Variants in PROM2 observed in about 807,000 individuals in gnomAD.
The protein encoded by PROM2 is prominin 2.
PROM2 carries 90 observed loss-of-function variants against 110.2 expected under a neutral mutation model. That is an observed-to-expected ratio of 0.82 (90% CI 0.69 to 0.97). The LOEUF is 0.97. PROM2 is among the 50% of genes least tolerant of loss of function. The pLI is 0.00. For synonymous variants in PROM2, 470 were observed against 467.8 expected (o/e 1.00, Z -0.06); for missense variants, 1,009 against 1,074.8 (o/e 0.94, Z 0.86).
At position 95,275,007 on chromosome 2, in the gene PROM2, C is replaced by T; in HGVS notation, c.244+178C>T. ...ACCTGCTGTGTGACTGTGGGTAAGC[C>T]TCACTTCCTCTCTGAGCCTCAGGTG... On this transcript the variant is annotated intron_variant, in intron 1 of 23. Coordinates refer to ENST00000317620, the MANE Select transcript of PROM2 (RefSeq NM_001165978.3). The surrounding 1 kb of genome is among the most constrained non-coding windows in gnomAD (Gnocchi z 4.4). 1 of 698,266 alleles carries T rather than the reference C, an allele frequency of 1.4e-6. No individual in the cohort carries two copies. Among genetic ancestry groups the T allele is most frequent in the Non-Finnish European group, 2.2e-6 (1 of 451,444 alleles). 43.3% of individuals were successfully genotyped at this position (698,266 alleles called of 1,614,324 possible).
chr2:95,278,112 C>A, intron 8 of PROM2, 108 bp downstream of exon 8: 1 of 889,058 alleles, frequency 1.1e-6, no homozygotes, highest in Non-Finnish European at 1.8e-6. Context: ...GGGGTCCCAC[C>A]CACCACACAG....
chr2:95,279,250 C>G lies in PROM2; in HGVS notation c.1274+106C>G, dbSNP rs1479122220. ...ATTCCCAGCCTCTATCAGCCCCTGACTGTACTGAGCCTCTGTGTTTTTTGT... is the reference window on the plus strand; with the variant it reads ...ATTCCCAGCCTCTATCAGCCCCTGAGTGTACTGAGCCTCTGTGTTTTTTGT... On this transcript the variant is annotated intron_variant, in intron 10 of 23. Coordinates refer to ENST00000317620, the MANE Select transcript of PROM2 (RefSeq NM_001165978.3). The G allele has an allele frequency of 1.7e-5, 15 of 858,234 alleles. No individual in the cohort carries two copies. The East Asian group carries it at 4.0e-4, about 23-fold the overall frequency. 53.2% of individuals were successfully genotyped at this position (858,234 alleles called of 1,614,324 possible).
At position 95,284,973 on chromosome 2, in the gene PROM2, C is replaced by T. The variant is rs1283142325; in HGVS notation, c.1733C>T (p.Thr578Ile). The T allele has an allele frequency of 6.2e-7, 1 of 1,610,322 alleles. No homozygotes were observed. The highest frequency in any genetic ancestry group is 1.3e-5 in the African/African-American group (1 of 75,012). Residue 578 changes from threonine (T) to isoleucine (I), a missense_variant, in exon 15 of 24, where the codon ACC becomes ATC. By Grantham distance (89) the Thr-to-Ile change is moderately conservative. Coordinates refer to ENST00000317620, the MANE Select transcript of PROM2 (RefSeq NM_001165978.3). ...LEEHLDINQY[T>I]NKLRQELQSL... The stretch of plus-strand genomic sequence containing the variant: ...ACCCTGCGCCTGCTCTCCCAGTATA[C>T]CAACAAGCTACGGCAGGAGTTGCAG...
chr2:95,277,049 A>G lies in PROM2; in HGVS notation c.760A>G (p.Ser254Gly). 6.4e-7 allele frequency: 1 copy of G among 1,551,462 alleles called. No individual in the cohort carries two copies. The highest frequency in any genetic ancestry group is 8.7e-7 in the Non-Finnish European group (1 of 1,146,994). Residue 254 changes from serine to glycine, a missense_variant, in exon 6 of 24, where the codon AGT becomes GGT. Physicochemically the swap from Ser to Gly is moderately conservative, Grantham distance 56. Transcript: ENST00000317620. ...SVYPLLAAVG[S>G]LGQVLQVSVH... ...GTACCCCTTGCTGGCGGCCGTGGGC[A>G]GTTTGGGCCAGGGTGAGCTGGAGCC... is the stretch of plus-strand genomic sequence containing the variant.
chr2:95,288,473 C>A lies in PROM2; in HGVS notation c.2335-10C>A. On this transcript the variant is annotated splice_polypyrimidine_tract_variant and intron_variant, in intron 21 of 23. Transcript: ENST00000317620. ...GTGGGTTGGTGAGCCGACCTCACGCCTTGTTGCAGAATGCCTTCTGGTTCT... is the reference window on the plus strand; with the variant it reads ...GTGGGTTGGTGAGCCGACCTCACGCATTGTTGCAGAATGCCTTCTGGTTCT... The A allele has an allele frequency of 6.2e-7, 1 of 1,613,480 alleles. No individual in the cohort carries two copies. Among genetic ancestry groups the A allele is most frequent in the Non-Finnish European group, 8.5e-7 (1 of 1,179,468 alleles).
At chr2:95,283,466 G>C (rs1029981951) in intron 14 of PROM2, among the ~76,000 whole-genome samples, 15 of 152,224 alleles carry the variant, frequency 9.9e-5, no homozygotes, top group Non-Finnish European at 2.1e-4. Flanking sequence ...TCCAGAGCAC[G>C]GGGAGGGCAC....
At position 95,275,660 on chromosome 2, in the gene PROM2, G is replaced by GCAGTC. The variant is rs1394988086; in HGVS notation, c.294+152_294+156dup. On this transcript the variant is annotated intron_variant, in intron 2 of 23. Transcript: ENST00000317620. The surrounding 1 kb of genome is among the most constrained non-coding windows in gnomAD (Gnocchi z 4.4). ...TCCTCTCCCCTCCTCTGTGGGCGCT[G>GCAGTC]CAGTCCGTAGACCTGGGTGCAAACC... 73 of 1,353,786 alleles carry GCAGTC rather than the reference G, an allele frequency of 5.4e-5. 1 individual carries two copies. Among genetic ancestry groups the GCAGTC allele is most frequent in the East Asian group, 2.7e-4 (11 of 40,344 alleles). 83.9% of individuals were successfully genotyped at this position (1,353,786 alleles called of 1,614,324 possible). A position where few individuals can be genotyped will look rare whatever the true frequency, so the allele number is the denominator to read the frequency against.
Position 95,276,519 on chromosome 2 carries a change from A to AG in PROM2, c.619-71dup. 6.2e-7 allele frequency: 1 copy of AG among 1,607,258 alleles called. No individual in the cohort carries two copies. The highest frequency in any genetic ancestry group is 8.5e-7 in the Non-Finnish European group (1 of 1,174,282). On this transcript the variant is annotated intron_variant, in intron 4 of 23. Transcript: ENST00000317620. This position sits in a 1 kb window ranked among gnomAD's most constrained non-coding sequence, Gnocchi z 4.6. ...AGGGTGGATGCCATAGGGGCAGGGA[A>AG]GGGGCCAGGGAGAGAAGGGCGTAAG... is the stretch of plus-strand genomic sequence containing the variant.
At chr2:95,285,342 A>C (rs1369384645) in intron 15 of PROM2, among the ~76,000 whole-genome samples, 1 of 152,148 alleles carries the variant, frequency 6.6e-6, no homozygotes, top group Non-Finnish European at 1.5e-5. Flanking sequence ...ACCCAACAGC[A>C]TGTGTTGCTG....
rs1339634760 is a variant in PROM2, at chr2:95,285,117, TCAGCGGTGGG to T, written c.1875+5_1875+14del. On this transcript the variant is annotated splice_donor_5th_base_variant and intron_variant, in intron 15 of 23. Coordinates refer to ENST00000317620, the MANE Select transcript of PROM2 (RefSeq NM_001165978.3). ...CACTACCCCGACTTCCTCGTTCAGG[TCAGCGGTGGG>T]CACCTCAGCAGGGCTTCCTCAGCAG... The T allele has an allele frequency of 1.3e-6, 2 of 1,563,352 alleles. No homozygotes were observed. The highest frequency in any genetic ancestry group is 3.7e-5 in the Admixed American group (2 of 53,602).
chr2:95,277,289 G>A (rs1490885184), intron 6 of PROM2, 75 bp from the exon 7 acceptor site: 1 of 1,463,508 alleles, frequency 6.8e-7, no homozygotes, highest in Non-Finnish European at 9.3e-7. Context: ...GCTGGGGGAG[G>A]GGAGTTCTGC....
chr2:95,279,292 GT>G (rs1371674353), intron 10 of PROM2, 148 bp downstream of exon 10: 5 of 647,132 alleles, frequency 7.7e-6, no homozygotes, highest in Non-Finnish European at 1.2e-5. Context: ...GTTTGTTTTT[GT>G]TTTTTTCATT....
rs769412772 is a variant in PROM2 at position 95,281,969 on chromosome 2, G to A, written c.1596G>A (p.Ser532=). 30 of 1,614,060 alleles carry A rather than the reference G, an allele frequency of 1.9e-5. No homozygotes were observed. The highest frequency in any genetic ancestry group is 1.0e-4 in the Admixed American group (6 of 60,010). ...ACCTGCCCCCGTCCATGAACCTGTC[G>A]CAACTTCTTGGCCTGAGGAAGAACA... ...PGNLPPSMNL[S]QLLGLRKNIS... is the part of the protein sequence containing the mutation. Residue 532 remains serine, a synonymous_variant, in exon 13 of 24, where the codon TCG becomes TCA. Coordinates refer to ENST00000317620, the MANE Select transcript of PROM2 (RefSeq NM_001165978.3).
chr2:95,285,465 G>A (rs879452777), intron 15 of PROM2, among the ~76,000 whole-genome samples, 174 bp from the exon 16 acceptor site: 2 of 152,254 alleles, frequency 1.3e-5, no homozygotes, highest in African/African-American at 2.4e-5. Context: ...CTGGGAAAAT[G>A]TCTGAAATAT....
chr2:95,277,691 A>C (rs772349012), intron 7 of PROM2, 125 bp downstream of exon 7: 56 of 1,009,736 alleles, frequency 5.5e-5, no homozygotes, highest in Non-Finnish European at 7.5e-5. Flanking sequence ...ACCCAGGGTT[A>C]ATGCGGGTCA....
chr2:95,278,127 C>G (rs1354731930), intron 8 of PROM2, 123 bp downstream of exon 8: 4 of 769,466 alleles, frequency 5.2e-6, no homozygotes, highest in Non-Finnish European at 8.7e-6. Flanking sequence ...ACACAGCACC[C>G]TGGGCAGGGG....
In PROM2 at chr2:95,289,025, G is replaced by C; in HGVS notation, c.*10+19G>C. 6.3e-7 allele frequency: 1 copy of C among 1,592,338 alleles called. No individual in the cohort carries two copies. The highest frequency in any genetic ancestry group is 1.3e-5 in the African/African-American group (1 of 74,494). On this transcript the variant is annotated intron_variant, in intron 23 of 23. Coordinates refer to ENST00000317620, the MANE Select transcript of PROM2 (RefSeq NM_001165978.3). ...CTTGTGGGTGAGTTTTCCCCAACTC[G>C]CTTAATTGCTCCCTGCCAGGGATTA...
At position 95,288,974 on chromosome 2, in the gene PROM2, G is replaced by T. The variant is rs773637312; in HGVS notation, c.2483G>T (p.Arg828Leu). 1.2e-6 allele frequency: 2 copies of T among 1,614,102 alleles called. No individual in the cohort carries two copies. Among genetic ancestry groups the T allele is most frequent in the Non-Finnish European group, 1.7e-6 (2 of 1,179,978 alleles). Residue 828 changes from arginine to leucine, a missense_variant, in exon 23 of 24, where the codon CGG becomes CTG. Transcript: ENST00000317620. ...SEETQLFHIPRVTSLKL is the reference protein window; with the variant it reads ...SEETQLFHIPLVTSLKL ...GAGACTCAGCTCTTCCACATCCCCC[G>T]GGTTACCTCCCTGAAGCTGTAGGGC...
At chr2:95,288,786 C>A in intron 22 of PROM2, 147 bp from the exon 23 acceptor site, 1 of 879,422 alleles carries the variant, frequency 1.1e-6, no homozygotes, top group Non-Finnish European at 1.9e-6. Flanking sequence ...CTTCTTGCTG[C>A]ATCCATTTGG....
Sources: gnomAD v4.1 joint callset for allele counts (sites outside exome capture counted in the v4.1 genomes callset) on GRCh38, gnomAD v4.1.1 for gene constraint, Gnocchi (gnomAD v3.1) non-coding constraint, MANE v1.5 for transcripts, NCBI Gene and HGNC (gene_info 2026-07-23, HGNC 2026-07-21) for gene names.